Variants in ASCL3 observed in about 807,000 individuals in gnomAD.
ASCL3 encodes the protein achaete-scute homolog 3.
ASCL3 carries 1 observed loss-of-function variant against 2.3 expected under a neutral mutation model. The observed-to-expected ratio is 0.44, with a 90% confidence interval of 0.16 to 2.10. The LOEUF is 2.10. ASCL3 is among the 30% of genes most tolerant of loss of function. The pLI, the probability that ASCL3 is intolerant of heterozygous loss-of-function variation, is 0.28. For synonymous variants in ASCL3, 98 were observed against 88.5 expected (o/e 1.11, Z -0.60); for missense variants, 243 against 229.0 (o/e 1.06, Z -0.40).
Position 8,939,443 on chromosome 11 carries a change from G to T in ASCL3, c.-12-1270C>A, listed in dbSNP as rs193152559. Among the ~76,000 whole-genome samples the T allele has an allele frequency of 2.6e-4, 39 of 152,086 alleles. 2 individuals carry two copies. Among genetic ancestry groups the T allele is most frequent in the Middle Eastern group, 3.4e-3 (1 of 294 alleles). On this transcript the variant is annotated intron_variant, in intron 1 of 1. Transcript: ENST00000531618. ...TTTAGTAGGGACGGGGTTTCATTACGTTGGCCAGGCTGGTCTCAAACTCCT... is the reference window on the plus strand; with the variant it reads ...TTTAGTAGGGACGGGGTTTCATTACTTTGGCCAGGCTGGTCTCAAACTCCT...
At chr11:8,939,333 G>A (rs929694786) in intron 1 of ASCL3, among the ~76,000 whole-genome samples, 2 of 151,774 alleles carry the variant, frequency 1.3e-5, no homozygotes, top group Non-Finnish European at 2.9e-5. Context: ...CTGCCCCCCC[G>A]GGTTCAAGTG....
rs751505172 is a variant in ASCL3, at chr11:8,937,861, G to T, written c.301C>A (p.Arg101=). The T allele has an allele frequency of 6.2e-7, 1 of 1,614,072 alleles. No individual in the cohort carries two copies. The highest frequency in any genetic ancestry group is 8.5e-7 in the Non-Finnish European group (1 of 1,179,994). The change falls in exon 2 of 2, where the codon CGG becomes AGG. Residue 101 remains arginine (R), a synonymous_variant. Transcript: ENST00000531618. ...ACACATTTCACCCGCTGCCTTTCCC[G>T]CTCATTCCTTTTCCGGGTGAAGGCT... ...GPAFTRKRNE[R]ERQRVKCVNE...
In ASCL3 at chr11:8,941,342, TACAC is replaced by T. The variant is rs34828031; in HGVS notation, c.-13+1640_-13+1643del. ...TTGGCATACTAAACACACACACACA[TACAC>T]ACACACACACACACACACACACCAG... On this transcript the variant is annotated intron_variant, in intron 1 of 1. Coordinates refer to ENST00000531618, the MANE Select transcript of ASCL3 (RefSeq NM_020646.3). 2.3e-3 allele frequency among the ~76,000 whole-genome samples: 335 copies of T among 146,538 alleles called. 1 individual carries two copies. Among genetic ancestry groups the T allele is most frequent in the South Asian group, 6.5e-3 (30 of 4,632 alleles).
At chr11:8,942,949 T>C (rs1853722931) in intron 1 of ASCL3, among the ~76,000 whole-genome samples, 37 bp downstream of exon 1, 1 of 152,194 alleles carries the variant, frequency 6.6e-6, no homozygotes, top group Non-Finnish European at 1.5e-5. Context: ...ATGTTCTTAT[T>C]CTTCCCCACG....
At chr11:8,942,168 T>C (rs968000263) in intron 1 of ASCL3, among the ~76,000 whole-genome samples, 1 of 152,280 alleles carries the variant, frequency 6.6e-6, no homozygotes, top group East Asian at 1.9e-4. Context: ...ATTTTCGTAA[T>C]TCTTGAAAAA....
intron 1 of ASCL3, among the ~76,000 whole-genome samples, chr11:8,941,482 A>G (rs1449812072): frequency 6.6e-6 from 1 of 152,106 alleles, no homozygotes; most frequent in African/African-American, 2.4e-5. Context: ...CCCTAAGACC[A>G]GAATTCAAGT....
chr11:8,939,670 AG>A (rs2064697056), intron 1 of ASCL3, among the ~76,000 whole-genome samples: 1 of 152,216 alleles, frequency 6.6e-6, no homozygotes, highest in African/African-American at 2.4e-5. Flanking sequence ...AAATAAAAAA[AG>A]TGTGGGAAAG....
At chr11:8,940,470 G>A (rs189481239) in intron 1 of ASCL3, among the ~76,000 whole-genome samples, 3 of 152,210 alleles carry the variant, frequency 2.0e-5, no homozygotes, top group South Asian at 4.1e-4. Context: ...CAGTGTAACC[G>A]GTTAACTTGG....
chr11:8,937,803 A>G lies in ASCL3; in HGVS notation c.359T>C (p.Leu120Pro), dbSNP rs1295363451. 12 of 1,614,034 alleles carry G rather than the reference A, an allele frequency of 7.4e-6. No homozygotes were observed. The highest frequency in any genetic ancestry group is 2.7e-5 in the African/African-American group (2 of 74,936). The change falls in exon 2 of 2, where the codon CTG becomes CCG. Residue 120 changes from leucine to proline, a missense_variant. Physicochemically the swap from Leu to Pro is moderately conservative, Grantham distance 98. Coordinates refer to ENST00000531618, the MANE Select transcript of ASCL3 (RefSeq NM_020646.3). Reference protein sequence around the residue: ...NEGYAQLRHHLPEEYLEKRLS... With the variant: ...NEGYAQLRHHPPEEYLEKRLS... ...TCGCTTCTCCAAATACTCCTCTGGC[A>G]GATGATGGCGGAGCTGGGCGTAGCC...
At position 8,938,718 on chromosome 11, in the gene ASCL3, G is replaced by A. The variant is rs112993540; in HGVS notation, c.-12-545C>T. Among the ~76,000 whole-genome samples, 117 of 151,350 alleles carry A rather than the reference G, an allele frequency of 7.7e-4. 1 individual carries two copies. Among genetic ancestry groups the A allele is most frequent in the African/African-American group, 2.7e-3 (113 of 41,238 alleles). ...CTTATGAGAAAGTTATTGTCCTTCC[G>A]TTCTTTTTCAATCCTTGTGGTTATA... is the stretch of plus-strand genomic sequence containing the variant. On this transcript the variant is annotated intron_variant, in intron 1 of 1. Coordinates refer to ENST00000531618, the MANE Select transcript of ASCL3 (RefSeq NM_020646.3).
At chr11:8,938,945 ACGTGGCCATCACCACGC>A (rs2064693788) in intron 1 of ASCL3, among the ~76,000 whole-genome samples, 1 of 151,560 alleles carries the variant, frequency 6.6e-6, no homozygotes, top group South Asian at 2.1e-4. Flanking sequence ...CTGGGACCAT[ACGTGGCCATCACCACGC>A]CTGGCTAAGT....
intron 1 of ASCL3, among the ~76,000 whole-genome samples, chr11:8,938,395 C>G (rs1398757928): frequency 6.6e-6 from 1 of 151,798 alleles, no homozygotes; most frequent in African/African-American, 2.4e-5. Flanking sequence ...GGATTACAGG[C>G]GTCTGCCACT....
At chr11:8,939,384 T>A (rs2064695794) in intron 1 of ASCL3, among the ~76,000 whole-genome samples, 1 of 151,856 alleles carries the variant, frequency 6.6e-6, no homozygotes, top group Non-Finnish European at 1.5e-5. Flanking sequence ...GGATTACAGG[T>A]GCCCGCCACC....
At chr11:8,942,947 A>C (rs188182058) in intron 1 of ASCL3, among the ~76,000 whole-genome samples, 39 bp downstream of exon 1, 4 of 152,180 alleles carry the variant, frequency 2.6e-5, no homozygotes, top group South Asian at 2.1e-4. Context: ...TCATGTTCTT[A>C]TTCTTCCCCA....
In ASCL3 at chr11:8,937,982, G is replaced by A. The variant is rs769057327; in HGVS notation, c.180C>T (p.Ser60=). 6.2e-6 allele frequency: 10 copies of A among 1,613,870 alleles called. No individual in the cohort carries two copies. Among genetic ancestry groups the A allele is most frequent in the East Asian group, 2.2e-5 (1 of 44,890 alleles). The change falls in exon 2 of 2, where the codon AGC becomes AGT. Residue 60 remains serine (S), a synonymous_variant. Coordinates refer to ENST00000531618, the MANE Select transcript of ASCL3 (RefSeq NM_020646.3). ...SEELPRLPFP[S]DSLILGNYSE... is the part of the protein sequence containing the mutation. ...TGTAATTTCCCAGGATAAGAGAGTCGCTGGGAAAAGGCAGCCGTGGCAGCT... is the reference window on the plus strand; with the variant it reads ...TGTAATTTCCCAGGATAAGAGAGTCACTGGGAAAAGGCAGCCGTGGCAGCT...
rs190994647 is a variant in ASCL3 at position 8,942,572 on chromosome 11, G to A, written c.-13+414C>T. On this transcript the variant is annotated intron_variant, in intron 1 of 1. Coordinates refer to ENST00000531618, the MANE Select transcript of ASCL3 (RefSeq NM_020646.3). ...GATAAAATTGTAAGAGATTCTGGAT[G>A]CTCTGCTGAGCATAAAAGCTTCAAA... is the stretch of plus-strand genomic sequence containing the variant. Among the ~76,000 whole-genome samples, 8 of 152,116 alleles carry A rather than the reference G, an allele frequency of 5.3e-5. 1 individual carries two copies. The highest frequency in any genetic ancestry group is 1.0e-4 in the Non-Finnish European group (7 of 68,022).
intron 1 of ASCL3, among the ~76,000 whole-genome samples, chr11:8,940,993 A>G (rs1379263557): frequency 6.6e-6 from 1 of 152,162 alleles, no homozygotes; most frequent in Non-Finnish European, 1.5e-5. Context: ...CCAACCCCCC[A>G]GGTACAGAGG....
chr11:8,940,484 C>CG (rs113350346), intron 1 of ASCL3, among the ~76,000 whole-genome samples: 45 of 152,026 alleles, frequency 3.0e-4, no homozygotes, highest in African/African-American at 1.0e-3. Context: ...AACTTGGAGG[C>CG]GGGGGGAGAA....
chr11:8,941,195 T>TTTA (rs1853689199), intron 1 of ASCL3, among the ~76,000 whole-genome samples: 4 of 152,040 alleles, frequency 2.6e-5, no homozygotes, highest in Non-Finnish European at 5.9e-5. Flanking sequence ...ATACCTAAAA[T>TTTA]GGAGAAGGGA....
Sources: allele counts gnomAD v4.1 joint callset (sites outside exome capture counted in the v4.1 genomes callset), GRCh38; gene constraint gnomAD v4.1.1; transcripts MANE v1.5; gene names NCBI Gene and HGNC (gene_info 2026-07-23, HGNC 2026-07-21).